Variants in ZNF43 observed in about 807,000 individuals in gnomAD.
ZNF43 encodes zinc finger protein 43.
In ZNF43, 44 loss-of-function variants were observed where a neutral mutation model predicts 68.4. The observed-to-expected ratio is 0.64, with a 90% CI of 0.51 to 0.83. The LOEUF (loss-of-function observed/expected upper bound fraction) is 0.83. ZNF43 is among the 40% of genes least tolerant of loss of function. The probability of loss-of-function intolerance (pLI) is 0.00; values close to 1 mark genes in which losing one functional copy is unlikely to be tolerated. For synonymous variants in ZNF43, 308 were observed against 307.8 expected (o/e 1.00, Z -0.01); for missense variants, 896 against 933.2 (o/e 0.96, Z 0.52).
upstream of ZNF43, among the ~76,000 whole-genome samples, chr19:21,836,929 G>C (rs145719135): frequency 8.2e-4 from 125 of 152,100 alleles, no homozygotes; most frequent in African/African-American, 2.9e-3. Flanking sequence ...AAAGCATTGA[G>C]GTCCATTAAT....
chr19:21,843,358 GTTC>G (rs555799498), intron 1 of ZNF43: 41 of 985,132 alleles, frequency 4.2e-5, no homozygotes, highest in South Asian at 2.8e-4. Flanking sequence ...AGATAAAACA[GTTC>G]TTCACGTGTC....
In ZNF43 at chr19:21,805,607, ACT is replaced by A. The variant is rs961454630; in HGVS notation, c.*1998_*1999del. 6.6e-6 allele frequency: 1 copy of A among 151,608 alleles called. No homozygotes were observed. Among genetic ancestry groups the A allele is most frequent in the East Asian group, 1.9e-4 (1 of 5,170 alleles). The allele number at this position is 151,608 out of a possible 1,614,324, so 9.4% of individuals were successfully genotyped here. A position where few individuals can be genotyped will look rare whatever the true frequency, so the allele number is the denominator to read the frequency against. On this transcript the variant is annotated 3_prime_UTR_variant, in exon 4 of 4. Coordinates refer to ENST00000354959, the MANE Select transcript of ZNF43 (RefSeq NM_003423.4). ...GCACTCCAGCCTGGGCGAGAGCAAG[ACT>A]CTGTCTCAAAAAAAAAAACCAAACA...
Position 21,808,460 on chromosome 19 carries a change from G to C in ZNF43, c.1577C>G (p.Thr526Ser), listed in dbSNP as rs1282404498. 1 of 1,613,182 alleles carries C rather than the reference G, an allele frequency of 6.2e-7. No homozygotes were observed. The highest frequency in any genetic ancestry group is 8.5e-7 in the Non-Finnish European group (1 of 1,179,832). ...GKAFKWSSKL[T>S]EHKITHTGEK... The stretch of plus-strand genomic sequence containing the variant: ...TCCAGTATGAGTTATCTTATGTTCA[G>C]TAAGCTTTGAGGACCACTTAAAAGC... The change falls in exon 4 of 4, where the codon ACT becomes AGT. Residue 526 changes from threonine to serine, a missense_variant. Physicochemically the swap from Thr to Ser is moderately conservative, Grantham distance 58. Coordinates refer to ENST00000354959, the MANE Select transcript of ZNF43 (RefSeq NM_003423.4).
chr19:21,835,893 A>T (rs1568381845), intron 1 of ZNF43, 143 bp downstream of exon 1: 6 of 1,421,252 alleles, frequency 4.2e-6, no homozygotes, highest in Non-Finnish European at 5.8e-6. Context: ...CTCCCAGAGC[A>T]GCCGCCATCT....
At position 21,807,379 on chromosome 19, in the gene ZNF43, T is replaced by C. The variant is rs905621747; in HGVS notation, c.*228A>G. On this transcript the variant is annotated 3_prime_UTR_variant, in exon 4 of 4. Coordinates refer to ENST00000354959, the MANE Select transcript of ZNF43 (RefSeq NM_003423.4). ...AGACTCTCTGATGTTGAGTAAGATA[T>C]GAGCACATATTAATGGCTTTTCCAC... 47 of 401,366 alleles carry C rather than the reference T, an allele frequency of 1.2e-4. No homozygotes were observed. Among genetic ancestry groups the C allele is most frequent in the Non-Finnish European group, 1.8e-4 (41 of 227,856 alleles). The allele number at this position is 401,366 out of a possible 1,614,324, so 24.9% of individuals were successfully genotyped here. A position where few individuals can be genotyped will look rare whatever the true frequency, so the allele number is the denominator to read the frequency against.
intron 1 of ZNF43, among the ~76,000 whole-genome samples, chr19:21,820,006 C>T (rs2037719593): frequency 6.6e-6 from 1 of 151,320 alleles, no homozygotes; most frequent in Non-Finnish European, 1.5e-5. Flanking sequence ...TGAGACCAGC[C>T]TGGCCAACGT....
intron 1 of ZNF43, among the ~76,000 whole-genome samples, chr19:21,830,396 A>T (rs1311483627): frequency 6.6e-6 from 1 of 152,098 alleles, no homozygotes; most frequent in Non-Finnish European, 1.5e-5. Context: ...GAAGAAAGAG[A>T]AGATCCAAAT....
Position 21,807,544 on chromosome 19 carries a change from G to A in ZNF43, c.*63C>T, listed in dbSNP as rs1172952857. 7.2e-7 allele frequency: 1 copy of A among 1,395,774 alleles called. No individual in the cohort carries two copies. The highest frequency in any genetic ancestry group is 9.6e-7 in the Non-Finnish European group (1 of 1,047,024). 86.5% of individuals were successfully genotyped at this position (1,395,774 alleles called of 1,614,324 possible). A position where few individuals can be genotyped will look rare whatever the true frequency, so the allele number is the denominator to read the frequency against. The stretch of plus-strand genomic sequence containing the variant: ...TAAATTATCTTACCTACAATCAAGT[G>A]TGACAACCATGTAAAGCCTTTATCA... On this transcript the variant is annotated 3_prime_UTR_variant, in exon 4 of 4. Coordinates refer to ENST00000354959, the MANE Select transcript of ZNF43 (RefSeq NM_003423.4).
intron 1 of ZNF43, among the ~76,000 whole-genome samples, chr19:21,849,240 G>A (rs926107835): frequency 2.0e-5 from 3 of 152,146 alleles, no homozygotes; most frequent in Non-Finnish European, 2.9e-5. Context: ...TGTAACCCCA[G>A]CACTTTGGGA....
At chr19:21,812,242 T>C (rs2037311931) in intron 3 of ZNF43, among the ~76,000 whole-genome samples, 1 of 152,160 alleles carries the variant, frequency 6.6e-6, no homozygotes, top group African/African-American at 2.4e-5. Flanking sequence ...TTCTCCTGTC[T>C]CGGCCTCCCG....
upstream of ZNF43, among the ~76,000 whole-genome samples, chr19:21,839,355 A>G (rs370913753): frequency 8.8e-4 from 129 of 146,224 alleles, no homozygotes; most frequent in African/African-American, 2.3e-3. Flanking sequence ...AAAAAAAAAA[A>G]AGAGATCACA....
chr19:21,812,665 A>G (rs2037334553), intron 3 of ZNF43, among the ~76,000 whole-genome samples: 1 of 151,970 alleles, frequency 6.6e-6, no homozygotes. Flanking sequence ...AAATAAAACC[A>G]TCCAGGTAGG....
At chr19:21,839,406 C>A (rs1341782079), upstream of ZNF43, among the ~76,000 whole-genome samples, 1 of 150,688 alleles carries the variant, frequency 6.6e-6, no homozygotes, top group Non-Finnish European at 1.5e-5. Flanking sequence ...ACAAGCACCC[C>A]AGTGGACAAG....
chr19:21,830,602 T>C (rs960358224), intron 1 of ZNF43, among the ~76,000 whole-genome samples: 4 of 134,488 alleles, frequency 3.0e-5, no homozygotes, highest in South Asian at 2.4e-4. Context: ...AGATTCAAAA[T>C]TGAAGTATAA....
Position 21,851,539 on chromosome 19 carries a change from CAAAAAAA to C in ZNF43, c.30+359_30+365del, listed in dbSNP as rs759516277. ...TGGGCGACATAGCAAGATTCCCTCT[CAAAAAAA>C]AAAAAAAAAAAAAAAAATTAACAAC... On this transcript the variant is annotated intron_variant, in intron 1 of 3. Coordinates refer to the ZNF43 transcript ENST00000357491. Among the ~76,000 whole-genome samples, 163 of 64,832 alleles carry C rather than the reference CAAAAAAA, an allele frequency of 2.5e-3. 1 individual carries two copies. The highest frequency in any genetic ancestry group is 6.6e-3 in the Admixed American group (36 of 5,486). The allele number at this position is 64,832 out of a possible 152,430, so 42.5% of individuals were successfully genotyped here.
chr19:21,825,280 CTTAT>C (rs2038059663), intron 1 of ZNF43, among the ~76,000 whole-genome samples: 1 of 151,926 alleles, frequency 6.6e-6, no homozygotes, highest in African/African-American at 2.4e-5. Flanking sequence ...GTCAGGAAGT[CTTAT>C]TTATTTACAG....
In ZNF43 at chr19:21,831,119, G is replaced by A. The variant is rs568441016; in HGVS notation, c.3+4917C>T. Among the ~76,000 whole-genome samples the A allele has an allele frequency of 5.3e-5, 8 of 152,190 alleles. No individual in the cohort carries two copies. In the East Asian group the frequency reaches 1.5e-3, roughly 29 times the overall value. The stretch of plus-strand genomic sequence containing the variant: ...CATACTTCAAAATAATGAGTTATCT[G>A]TCACAAACTCAAAGCCAATACACTG... On this transcript the variant is annotated intron_variant, in intron 1 of 3. Coordinates refer to ENST00000354959, the MANE Select transcript of ZNF43 (RefSeq NM_003423.4).
intron 1 of ZNF43, among the ~76,000 whole-genome samples, chr19:21,824,111 G>A (rs953369568): frequency 2.0e-5 from 3 of 152,100 alleles, no homozygotes; most frequent in East Asian, 1.9e-4. Flanking sequence ...ACATGAACCC[G>A]GGAGGCGGAG....
chr19:21,840,573 G>A (rs1233017183), upstream of ZNF43: 2 of 152,186 alleles, frequency 1.3e-5, no homozygotes, highest in Non-Finnish European at 2.9e-5. Flanking sequence ...CAGCCCACGT[G>A]TGAACCGAAT....
Sources: gnomAD v4.1 joint callset for allele counts (sites outside exome capture counted in the v4.1 genomes callset) on GRCh38, gnomAD v4.1.1 for gene constraint, MANE v1.5 for transcripts, NCBI Gene and HGNC (gene_info 2026-07-23, HGNC 2026-07-21) for gene names.